The following GPHN variants were observed in gnomAD, a reference collection of about 807,000 sequenced individuals.
The protein encoded by GPHN is gephyrin.
GPHN carries 17 observed loss-of-function variants against 95.5 expected under a neutral mutation model. The ratio of observed to expected loss-of-function variants is 0.18; its 90% CI spans 0.12 to 0.27. The LOEUF is 0.27. Among genes scored for constraint, GPHN ranks in the 10% least tolerant of loss-of-function variants. GPHN has a pLI of 1.00. For synonymous variants in GPHN, 320 were observed against 322.5 expected, an observed-to-expected ratio of 0.99 and a Z score of 0.08; for missense variants, 660 against 978.1, an observed-to-expected ratio of 0.67 and a Z score of 4.34.
At chr14:67,275,291 T>C in the GPHN span, among the ~76,000 whole-genome samples, 2 of 152,192 alleles carry the variant, frequency 1.3e-5, no homozygotes, top group African/African-American at 4.8e-5. Context: ...TGAGATACAT[T>C]CCATCAATAC....
At chr14:67,125,707 G>C (rs1369287284) in intron 17 of GPHN, among the ~76,000 whole-genome samples, 1 of 151,970 alleles carries the variant, frequency 6.6e-6, no homozygotes, top group African/African-American at 2.4e-5. Flanking sequence ...AATGTGGGAG[G>C]TGGGGGTTGC....
chr14:66,650,126 AC>A (rs1407389316), intron 1 of GPHN, among the ~76,000 whole-genome samples: 5 of 151,990 alleles, frequency 3.3e-5, no homozygotes, highest in Admixed American at 1.3e-4. Context: ...AAAAGAAAAT[AC>A]CGAGAGTCTT....
At chr14:67,630,764 G>A in the GPHN span, among the ~76,000 whole-genome samples, 4 of 152,002 alleles carry the variant, frequency 2.6e-5, no homozygotes, top group Non-Finnish European at 5.9e-5. Context: ...ATTTTTAGTA[G>A]AGATGGAGTT....
chr14:67,099,110 CTTTT>C (rs1200580490), intron 12 of GPHN, among the ~76,000 whole-genome samples: 1 of 138,986 alleles, frequency 7.2e-6, no homozygotes. Context: ...GTTGTAAAAA[CTTTT>C]TTTTTTTTTT....
intron 1 of GPHN, among the ~76,000 whole-genome samples, chr14:66,511,974 CAGAA>C (rs2058056920): frequency 6.6e-6 from 1 of 151,826 alleles, no homozygotes; most frequent in African/African-American, 2.4e-5. Context: ...GTTGACTTGA[CAGAA>C]ATGAAAGTCA....
chr14:66,579,928 C>A (rs1311456261), intron 1 of GPHN, among the ~76,000 whole-genome samples: 1 of 151,786 alleles, frequency 6.6e-6, no homozygotes, highest in Non-Finnish European at 1.5e-5. Context: ...ACACATCCTT[C>A]TTAAGCATAT....
the GPHN span, among the ~76,000 whole-genome samples, chr14:67,623,766 T>C: frequency 1.3e-5 from 2 of 152,108 alleles, no homozygotes; most frequent in African/African-American, 4.8e-5. Flanking sequence ...GATCTCGAAC[T>C]CCTGACCTCA....
the GPHN span, among the ~76,000 whole-genome samples, chr14:67,474,150 G>C: frequency 6.6e-6 from 1 of 152,154 alleles, no homozygotes; most frequent in Non-Finnish European, 1.5e-5. Context: ...TACTTGGGAA[G>C]CTGAGGCAGA....
chr14:67,029,538 T>C (rs949768599), intron 10 of GPHN, among the ~76,000 whole-genome samples: 1 of 152,104 alleles, frequency 6.6e-6, no homozygotes, highest in Non-Finnish European at 1.5e-5. Context: ...GATTTCACCA[T>C]GTTGGCCAGG....
chr14:66,837,574 C>T (rs1027751461), intron 4 of GPHN, among the ~76,000 whole-genome samples: 9 of 146,674 alleles, frequency 6.1e-5, no homozygotes, highest in Non-Finnish European at 1.2e-4. Flanking sequence ...TGCACATGTA[C>T]CCTAAAACTT....
At chr14:66,859,922 C>A (rs1036056610) in intron 4 of GPHN, among the ~76,000 whole-genome samples, 1 of 151,828 alleles carries the variant, frequency 6.6e-6, no homozygotes, top group Non-Finnish European at 1.5e-5. Flanking sequence ...ATTGAAAATA[C>A]ACAGTTAGAG....
chr14:67,283,055 C>T, the GPHN span, among the ~76,000 whole-genome samples: 1 of 152,050 alleles, frequency 6.6e-6, no homozygotes, highest in Non-Finnish European at 1.5e-5. Context: ...AGGGAACATA[C>T]ACACCCATAT....
At chr14:67,424,705 AT>A in the GPHN span, among the ~76,000 whole-genome samples, 1 of 151,712 alleles carries the variant, frequency 6.6e-6, no homozygotes. Context: ...GTCTTGGGTC[AT>A]GACCTGTCTG....
chr14:67,386,222 T>C, the GPHN span: 1 of 152,644 alleles, frequency 6.6e-6, no homozygotes, highest in African/African-American at 2.4e-5. Flanking sequence ...TGGAAAATGG[T>C]GCTTTAAAAG....
Position 67,049,314 on chromosome 14 carries a change from G to A in GPHN, c.1007-9335G>A, listed in dbSNP as rs377728876. On this transcript the variant is annotated intron_variant, in intron 10 of 22. Coordinates refer to ENST00000478722, the MANE Select transcript of GPHN (RefSeq NM_020806.5). The stretch of plus-strand genomic sequence containing the variant: ...ACCATCTCGGCTCACTGCAAGCTCC[G>A]CCTCCCGGGTTCACGCCTTTCTCCT... 4.6e-5 allele frequency among the ~76,000 whole-genome samples: 7 copies of A among 152,058 alleles called. No individual in the cohort carries two copies. The South Asian group carries it at 6.3e-4, about 14-fold the overall frequency.
intron 9 of GPHN, among the ~76,000 whole-genome samples, chr14:67,002,365 T>C (rs1408687854): frequency 6.7e-6 from 1 of 148,598 alleles, no homozygotes; most frequent in Admixed American, 6.8e-5. Context: ...AGCCTGTGCT[T>C]ACCATGTGAT....
chr14:66,988,012 G>A (rs1177219565), intron 9 of GPHN, among the ~76,000 whole-genome samples: 5 of 151,992 alleles, frequency 3.3e-5, no homozygotes, highest in Non-Finnish European at 4.4e-5. Context: ...GTAAATGTAC[G>A]ATTTCACTTG....
the GPHN span, among the ~76,000 whole-genome samples, chr14:67,627,025 A>T: frequency 6.6e-6 from 1 of 152,178 alleles, no homozygotes; most frequent in Non-Finnish European, 1.5e-5. Flanking sequence ...GCAAAGCCAT[A>T]AAGACAGAAA....
At chr14:67,631,834 G>A in the GPHN span, among the ~76,000 whole-genome samples, 5 of 151,998 alleles carry the variant, frequency 3.3e-5, no homozygotes, top group Non-Finnish European at 7.4e-5. Context: ...TGCTTCCATG[G>A]CTTTACTGTC....
Sources: gnomAD v4.1 joint callset for allele counts (sites outside exome capture counted in the v4.1 genomes callset) on GRCh38, gnomAD v4.1.1 for gene constraint, MANE v1.5 for transcripts, NCBI Gene and HGNC (gene_info 2026-07-23, HGNC 2026-07-21) for gene names.